FGF13: variants seen among roughly 807,000 people sequenced by gnomAD.
FGF13 encodes fibroblast growth factor 13.
FGF13 carries 2 observed loss-of-function variants against 19.5 expected under a neutral mutation model. That is an observed-to-expected ratio of 0.10 (90% confidence interval 0.04 to 0.32). The LOEUF is 0.32. Among genes scored for constraint, FGF13 ranks in the 10% least tolerant of loss-of-function variants. The probability of loss-of-function intolerance (pLI) is 1.00; values close to 1 mark genes in which losing one functional copy is unlikely to be tolerated. For synonymous variants in FGF13, 72 were observed against 76.9 expected, an observed-to-expected ratio of 0.94 and a Z score of 0.33; for missense variants, 113 against 192.7, an observed-to-expected ratio of 0.59 and a Z score of 2.45.
intron 1 of FGF13, among the ~76,000 whole-genome samples, chrX:139,173,357 C>A (rs1210738307): frequency 1.8e-5 from 2 of 109,391 alleles, no homozygotes; most frequent in Admixed American, 9.8e-5. Flanking sequence ...TCAGATAGCT[C>A]TTTTTTTAAA....
chrX:139,027,741 G>A (rs753502028), intron 1 of FGF13, among the ~76,000 whole-genome samples: 1 of 111,282 alleles, frequency 9.0e-6, no homozygotes, highest in East Asian at 2.9e-4. Flanking sequence ...AAGGCCTTTT[G>A]TGCTCTCTCT....
At chrX:139,149,102 G>A (rs2083913258) in intron 1 of FGF13, among the ~76,000 whole-genome samples, 1 of 111,718 alleles carries the variant, frequency 9.0e-6, no homozygotes, top group African/African-American at 3.3e-5. Context: ...TGGCGATTTG[G>A]TGAAGTATTT....
In FGF13 at chrX:138,993,467, C is replaced by A. The variant is rs191123257; in HGVS notation, c.-112-128817G>T. Among the ~76,000 whole-genome samples, 14 of 111,919 alleles carry A rather than the reference C, an allele frequency of 1.3e-4. No homozygotes were observed. The East Asian group carries it at 3.9e-3, about 31-fold the overall frequency. On this transcript the variant is annotated intron_variant, in intron 1 of 2. Coordinates refer to the FGF13 transcript ENST00000421460. ...TCCCTTTTTGCAATCCAACCTATTT[C>A]ATCCAAAGTGAACAGTGTAAGAACT...
At chrX:138,676,598 T>C (rs1291265413) in intron 3 of FGF13, among the ~76,000 whole-genome samples, 1 of 110,887 alleles carries the variant, frequency 9.0e-6, no homozygotes, top group Non-Finnish European at 1.9e-5. Context: ...TGGGAGAAAA[T>C]TTTTCCACGG....
chrX:138,640,748 T>C (rs181871879), intron 3 of FGF13, among the ~76,000 whole-genome samples: 2 of 112,273 alleles, frequency 1.8e-5, no homozygotes, highest in East Asian at 5.6e-4. Context: ...AATGCCTTCC[T>C]GATGCAAATA....
At chrX:139,192,487 T>A (rs1225562953) in intron 1 of FGF13, among the ~76,000 whole-genome samples, 1 of 110,220 alleles carries the variant, frequency 9.1e-6, no homozygotes, top group Admixed American at 9.5e-5. Flanking sequence ...GTTTTTGTTT[T>A]GTTTTGTTTA....
intron 3 of FGF13, among the ~76,000 whole-genome samples, chrX:138,809,624 G>A (rs978131558): frequency 1.8e-5 from 2 of 111,009 alleles, no homozygotes; most frequent in Non-Finnish European, 3.8e-5. Flanking sequence ...AGAAATAAAG[G>A]GTGTTCAATT....
chrX:138,660,771 T>C (rs186194440), intron 3 of FGF13, among the ~76,000 whole-genome samples: 1 of 111,807 alleles, frequency 8.9e-6, no homozygotes, highest in East Asian at 2.8e-4. Context: ...CAACCTCTAG[T>C]AACCATCGTT....
intron 1 of FGF13, among the ~76,000 whole-genome samples, chrX:139,150,112 G>A (rs1188371037): frequency 9.0e-6 from 1 of 111,603 alleles, no homozygotes; most frequent in Non-Finnish European, 1.9e-5. Context: ...AGGGAGGACA[G>A]TGAGCAAGTG....
At chrX:138,793,160 C>G (rs1038998161) in intron 3 of FGF13, among the ~76,000 whole-genome samples, 1 of 111,205 alleles carries the variant, frequency 9.0e-6, no homozygotes, top group East Asian at 2.8e-4. Context: ...AAGCTTGAAA[C>G]GAATTCTCCT....
At chrX:139,168,510 A>G (rs1428381364) in intron 1 of FGF13, among the ~76,000 whole-genome samples, 1 of 111,999 alleles carries the variant, frequency 8.9e-6, no homozygotes, top group African/African-American at 3.2e-5. Flanking sequence ...TGAAGAAAAA[A>G]TACAGTAAAA....
chrX:138,829,055 C>T (rs1046047982), intron 3 of FGF13, among the ~76,000 whole-genome samples: 1 of 111,324 alleles, frequency 9.0e-6, no homozygotes, highest in African/African-American at 3.3e-5. Context: ...GTGCTATGGC[C>T]CCATAAATGA....
chrX:138,770,673 C>T (rs2090538703), intron 3 of FGF13, among the ~76,000 whole-genome samples: 2 of 111,804 alleles, frequency 1.8e-5, no homozygotes, highest in African/African-American at 6.5e-5. Context: ...AAAGAAGAGA[C>T]CATGCCCCAT....
intron 3 of FGF13, among the ~76,000 whole-genome samples, chrX:138,636,052 C>G (rs1056866892): frequency 8.9e-6 from 1 of 112,201 alleles, no homozygotes; most frequent in Non-Finnish European, 1.9e-5. Context: ...GGTCCTTGTA[C>G]TTAATTTTCA....
intron 4 of FGF13, among the ~76,000 whole-genome samples, 165 bp from the exon 5 acceptor site, chrX:138,633,151 C>G (rs1184609604): frequency 9.0e-6 from 1 of 111,429 alleles, no homozygotes; most frequent in African/African-American, 3.3e-5. Flanking sequence ...ACAATGTATA[C>G]ATATTTCAAA....
At position 138,909,541 on chromosome X, in the gene FGF13, T is replaced by C. The variant is rs907490255; in HGVS notation, c.-112-44891A>G. 3.6e-5 allele frequency among the ~76,000 whole-genome samples: 4 copies of C among 111,912 alleles called. No individual in the cohort carries two copies. The Admixed American group carries it at 3.8e-4, about 11-fold the overall frequency. ...AGGTAACATTGGCTTCTGATTGGCATGGCCACCCTATGGAAGGGTATTGTT... is the reference window on the plus strand; with the variant it reads ...AGGTAACATTGGCTTCTGATTGGCACGGCCACCCTATGGAAGGGTATTGTT... On this transcript the variant is annotated intron_variant, in intron 1 of 2. Coordinates refer to the FGF13 transcript ENST00000421460.
At chrX:138,775,492 G>C (rs1192349875) in intron 3 of FGF13, among the ~76,000 whole-genome samples, 1 of 111,786 alleles carries the variant, frequency 8.9e-6, no homozygotes, top group Non-Finnish European at 1.9e-5. Flanking sequence ...AATCGCAATG[G>C]ACAGTGCGTC....
intron 1 of FGF13, among the ~76,000 whole-genome samples, chrX:138,992,015 C>T (rs1405025022): frequency 9.0e-6 from 1 of 111,484 alleles, no homozygotes; most frequent in Non-Finnish European, 1.9e-5. Context: ...CAGCATCTTG[C>T]TATTGTTTTA....
intron 1 of FGF13, among the ~76,000 whole-genome samples, chrX:139,146,393 A>G (rs1158711750): frequency 8.9e-6 from 1 of 112,607 alleles, no homozygotes; most frequent in Non-Finnish European, 1.9e-5. Context: ...CGGCCATCAG[A>G]GAAATGCAAA....
Sources: allele counts gnomAD v4.1 joint callset (sites outside exome capture counted in the v4.1 genomes callset), GRCh38; gene constraint gnomAD v4.1.1; transcripts MANE v1.5; gene names NCBI Gene and HGNC (gene_info 2026-07-23, HGNC 2026-07-21).